ZMAT4: variants seen among roughly 807,000 people sequenced by gnomAD.
ZMAT4 encodes the protein zinc finger matrin-type 4.
ZMAT4 carries 17 observed loss-of-function variants against 28.7 expected under a neutral mutation model. That is an observed-to-expected ratio of 0.59 (90% CI 0.41 to 0.89). The LOEUF (loss-of-function observed/expected upper bound fraction) is 0.89. Among genes scored for constraint, ZMAT4 ranks in the 40% least tolerant of loss-of-function variants. ZMAT4 has a pLI of 0.00. For missense variants in ZMAT4, 240 were observed against 283.8 expected, an observed-to-expected ratio of 0.85 and a Z score of 1.11; for synonymous variants, 117 against 109.2, an observed-to-expected ratio of 1.07 and a Z score of -0.44.
At chr8:40,822,419 AG>A (rs1362723205) in intron 2 of ZMAT4, among the ~76,000 whole-genome samples, 1 of 152,240 alleles carries the variant, frequency 6.6e-6, no homozygotes, top group Non-Finnish European at 1.5e-5. Context: ...AATCAGTAAT[AG>A]GGCATGGAGA....
intron 5 of ZMAT4, among the ~76,000 whole-genome samples, chr8:40,594,498 G>A (rs1055993687): frequency 2.6e-5 from 4 of 152,074 alleles, no homozygotes; most frequent in African/African-American, 9.7e-5. Context: ...CATTCTATAT[G>A]TGTTTGTAAC....
chr8:40,772,056 A>G (rs1417097855), intron 2 of ZMAT4, among the ~76,000 whole-genome samples: 1 of 152,244 alleles, frequency 6.6e-6, no homozygotes, highest in African/African-American at 2.4e-5. Context: ...GGGAAAAGAC[A>G]TGAAAAAGAA....
chr8:40,673,053 C>T (rs1014487641), intron 5 of ZMAT4, among the ~76,000 whole-genome samples: 4 of 152,164 alleles, frequency 2.6e-5, no homozygotes, highest in African/African-American at 7.2e-5. Flanking sequence ...GAATCAAGCT[C>T]TATATACTTA....
chr8:40,695,250 G>A (rs1178972858), intron 4 of ZMAT4, among the ~76,000 whole-genome samples: 2 of 152,282 alleles, frequency 1.3e-5, no homozygotes, highest in East Asian at 3.9e-4. Flanking sequence ...CCTCTAGTAG[G>A]AGGCCTTGCT....
At chr8:40,741,492 AG>A (rs1812002304) in intron 3 of ZMAT4, among the ~76,000 whole-genome samples, 2 of 151,994 alleles carry the variant, frequency 1.3e-5, no homozygotes, top group Admixed American at 1.3e-4. Context: ...TGATCTTGCT[AG>A]TGATTAAATC....
intron 3 of ZMAT4, among the ~76,000 whole-genome samples, chr8:40,734,505 G>C (rs1811677393): frequency 6.6e-6 from 1 of 152,200 alleles, no homozygotes; most frequent in South Asian, 2.1e-4. Flanking sequence ...TGTGCCCTAG[G>C]TGAAAGATTC....
chr8:40,606,099 G>A (rs2118637372), intron 5 of ZMAT4, among the ~76,000 whole-genome samples: 1 of 152,238 alleles, frequency 6.6e-6, no homozygotes, highest in South Asian at 2.1e-4. Context: ...GAAGACAGTG[G>A]ATACTTGGTT....
intron 6 of ZMAT4, among the ~76,000 whole-genome samples, chr8:40,573,722 G>C (rs1804172835): frequency 6.6e-6 from 1 of 152,202 alleles, no homozygotes; most frequent in East Asian, 1.9e-4. Context: ...CAATTTTAAA[G>C]CTATAGTTAG....
intron 4 of ZMAT4, among the ~76,000 whole-genome samples, chr8:40,692,697 G>GCATA (rs1163837008): frequency 6.6e-6 from 1 of 152,138 alleles, no homozygotes; most frequent in Non-Finnish European, 1.5e-5. Flanking sequence ...TTCCAATTAT[G>GCATA]CATAATCTTA....
intron 5 of ZMAT4, among the ~76,000 whole-genome samples, chr8:40,585,671 G>A (rs956946341): frequency 1.3e-5 from 2 of 152,104 alleles, no homozygotes; most frequent in East Asian, 1.9e-4. Context: ...AGATTATTAC[G>A]GTCCCCAAAC....
chr8:40,621,693 G>T lies in ZMAT4; in HGVS notation c.578-40432C>A, dbSNP rs115029092. 6.2e-3 allele frequency among the ~76,000 whole-genome samples: 941 copies of T among 152,282 alleles called. 11 individuals are homozygous for T. The highest frequency in any genetic ancestry group is 0.022 in the African/African-American group (903 of 41,558). The stretch of plus-strand genomic sequence containing the variant: ...ATCACAATTTTTGGCTTTGAAGGTC[G>T]CTGGGAAATGGAGTGGGGAATCAGG... On this transcript the variant is annotated intron_variant, in intron 5 of 6. Coordinates refer to ENST00000297737, the MANE Select transcript of ZMAT4 (RefSeq NM_024645.3).
chr8:40,863,090 G>A (rs542983732), intron 1 of ZMAT4, among the ~76,000 whole-genome samples: 1 of 152,278 alleles, frequency 6.6e-6, no homozygotes, highest in Non-Finnish European at 1.5e-5. Context: ...TCATCTGAGG[G>A]TGAGGAGAGT....
intron 5 of ZMAT4, among the ~76,000 whole-genome samples, chr8:40,585,001 T>C (rs546961725): frequency 4.3e-4 from 65 of 152,318 alleles, no homozygotes; most frequent in Middle Eastern, 3.4e-3. Context: ...TCCTTAGAAC[T>C]GCCCACATCT....
intron 5 of ZMAT4, chr8:40,674,240 G>T (rs1808811674): frequency 6.5e-6 from 1 of 152,964 alleles, no homozygotes; most frequent in African/African-American, 2.4e-5. Context: ...GATTATAGGT[G>T]CGCACTGCCA....
intron 2 of ZMAT4, among the ~76,000 whole-genome samples, chr8:40,774,919 A>G (rs1050674377): frequency 2.4e-4 from 37 of 152,244 alleles, no homozygotes; most frequent in African/African-American, 8.4e-4. Flanking sequence ...TGGAAAAATC[A>G]TCATTTTAAA....
chr8:40,719,757 G>A (rs1563434011), intron 3 of ZMAT4, among the ~76,000 whole-genome samples: 1 of 152,276 alleles, frequency 6.6e-6, no homozygotes, highest in South Asian at 2.1e-4. Flanking sequence ...TTTTAGTAGA[G>A]ATGAGGTTTT....
chr8:40,864,746 C>T (rs933485537), intron 1 of ZMAT4, among the ~76,000 whole-genome samples: 11 of 152,294 alleles, frequency 7.2e-5, no homozygotes, highest in African/African-American at 2.6e-4. Flanking sequence ...TCAGCAAAAA[C>T]ATAGAGAGAG....
intron 5 of ZMAT4, among the ~76,000 whole-genome samples, chr8:40,644,699 A>C (rs1807220013): frequency 6.6e-6 from 1 of 152,180 alleles, no homozygotes; most frequent in African/African-American, 2.4e-5. Flanking sequence ...GGTGTGCATA[A>C]TGAATTCCTT....
intron 6 of ZMAT4, among the ~76,000 whole-genome samples, chr8:40,556,545 C>G (rs1388196634): frequency 6.6e-6 from 1 of 152,150 alleles, no homozygotes; most frequent in Non-Finnish European, 1.5e-5. Flanking sequence ...CCTACAACCA[C>G]TCTCCTGAGT....
Sources: allele counts gnomAD v4.1 joint callset (sites outside exome capture counted in the v4.1 genomes callset), GRCh38; gene constraint gnomAD v4.1.1; transcripts MANE v1.5; gene names NCBI Gene and HGNC (gene_info 2026-07-23, HGNC 2026-07-21).